The following PATJ variants were observed in gnomAD, a reference collection of about 807,000 sequenced individuals.
PATJ encodes the protein PATJ crumbs cell polarity complex component.
Under a neutral mutation model 224.9 loss-of-function variants are expected in PATJ, and 190 were observed. The observed-to-expected ratio is 0.84, with a 90% CI of 0.75 to 0.95. PATJ has a LOEUF of 0.95. Ranked by LOEUF, PATJ falls within the 40% of genes least tolerant of loss-of-function variation. PATJ has a pLI of 0.00. For synonymous variants in PATJ, 769 were observed against 820.3 expected, an observed-to-expected ratio of 0.94 and a Z score of 1.07; for missense variants, 2,121 against 2,270.3, an observed-to-expected ratio of 0.93 and a Z score of 1.34.
At chr1:61,813,878 GTAT>G (rs1332306400) in intron 14 of PATJ, among the ~76,000 whole-genome samples, 1 of 152,072 alleles carries the variant, frequency 6.6e-6, no homozygotes, top group Non-Finnish European at 1.5e-5. Context: ...AAGAGAAATA[GTAT>G]TTCGTATATA....
chr1:62,092,777 T>C (rs538129688), intron 33 of PATJ, among the ~76,000 whole-genome samples: 2 of 149,050 alleles, frequency 1.3e-5, no homozygotes, highest in East Asian at 4.0e-4. Flanking sequence ...AGTCTCGCTC[T>C]GTCACCCAGG....
chr1:61,814,995 G>A (rs1276805205), intron 14 of PATJ, among the ~76,000 whole-genome samples: 2 of 152,192 alleles, frequency 1.3e-5, no homozygotes, highest in Admixed American at 1.3e-4. Flanking sequence ...CTCTCATAGA[G>A]CTTAGATTCT....
At chr1:61,829,173 T>A (rs1444495763) in intron 16 of PATJ, among the ~76,000 whole-genome samples, 4 of 152,240 alleles carry the variant, frequency 2.6e-5, no homozygotes, top group Non-Finnish European at 5.9e-5. Flanking sequence ...AAGAAGACTG[T>A]CAGCTCCTTG....
chr1:62,070,222 C>T (rs1657158070), intron 31 of PATJ, among the ~76,000 whole-genome samples: 1 of 152,148 alleles, frequency 6.6e-6, no homozygotes, highest in African/African-American at 2.4e-5. Flanking sequence ...AGGAGTAACA[C>T]CAATAGTTTC....
At chr1:61,833,221 ATTTC>A (rs1381337934) in intron 16 of PATJ, 1 of 151,970 alleles carries the variant, frequency 6.6e-6, no homozygotes, top group African/African-American at 2.4e-5. Context: ...CTGTGTTGAT[ATTTC>A]TTTCTTTGTC....
intron 33 of PATJ, among the ~76,000 whole-genome samples, chr1:62,099,451 G>T (rs1160941616): frequency 7.3e-6 from 1 of 137,518 alleles, no homozygotes; most frequent in Non-Finnish European, 1.5e-5. Flanking sequence ...CACTCTTTCT[G>T]GATCACTGGT....
intron 27 of PATJ, among the ~76,000 whole-genome samples, chr1:61,934,658 G>A (rs958937957): frequency 6.6e-6 from 1 of 152,064 alleles, no homozygotes; most frequent in African/African-American, 2.4e-5. Flanking sequence ...CTTTATAGCA[G>A]TTAACAAAAT....
intron 17 of PATJ, among the ~76,000 whole-genome samples, chr1:61,847,676 G>A (rs981767367): frequency 6.6e-6 from 1 of 152,198 alleles, no homozygotes; most frequent in African/African-American, 2.4e-5. Flanking sequence ...GAATCAATTA[G>A]TTATTACTTT....
chr1:61,962,668 T>A (rs1014902812), intron 27 of PATJ, among the ~76,000 whole-genome samples: 1 of 152,174 alleles, frequency 6.6e-6, no homozygotes, highest in Non-Finnish European at 1.5e-5. Context: ...TTCTTAAGGA[T>A]TAAGTTTGAC....
chr1:61,925,489 T>C (rs1675058598), intron 26 of PATJ, among the ~76,000 whole-genome samples: 1 of 152,118 alleles, frequency 6.6e-6, no homozygotes. Context: ...AACAAAATCA[T>C]AGAACTGGAA....
intron 33 of PATJ, among the ~76,000 whole-genome samples, chr1:62,088,170 C>T (rs1224202165): frequency 6.6e-6 from 1 of 152,156 alleles, no homozygotes; most frequent in African/African-American, 2.4e-5. Flanking sequence ...GGATTACAGG[C>T]ATAAGCCACC....
intron 17 of PATJ, among the ~76,000 whole-genome samples, chr1:61,851,947 G>C (rs1662877783): frequency 6.6e-6 from 1 of 151,966 alleles, no homozygotes; most frequent in South Asian, 2.1e-4. Context: ...GCCAAGGCGG[G>C]AGGATCACTT....
intron 21 of PATJ, among the ~76,000 whole-genome samples, chr1:61,875,776 A>G (rs1477394075): frequency 6.6e-6 from 1 of 152,204 alleles, no homozygotes; most frequent in Admixed American, 6.5e-5. Flanking sequence ...ACATTTATGA[A>G]ACATTTTTAT....
In PATJ at chr1:62,128,932, G is replaced by C; in HGVS notation, c.5258G>C (p.Arg1753Pro). The change falls in exon 41 of 44, where the codon CGC becomes CCC. Residue 1753 changes from arginine (R) to proline (P), a missense_variant. Arg to Pro is a moderately radical substitution (Grantham distance 103). Coordinates refer to ENST00000642238, the MANE Select transcript of PATJ (RefSeq NM_001350145.3). The stretch of plus-strand genomic sequence containing the variant: ...AATCTGCTGAAGAACGCCTACGGGC[G>C]CATTATCCTGCAGGTATTGCGATCA... ...VVNLLKNAYG[R>P]IILQVVADTN... 1 of 1,606,918 alleles carries C rather than the reference G, an allele frequency of 6.2e-7. No individual in the cohort carries two copies. The highest frequency in any genetic ancestry group is 1.1e-5 in the South Asian group (1 of 90,714).
intron 33 of PATJ, among the ~76,000 whole-genome samples, chr1:62,096,129 G>A (rs1331391955): frequency 6.6e-6 from 1 of 152,118 alleles, no homozygotes; most frequent in Admixed American, 6.6e-5. Flanking sequence ...AAGGGTTCTT[G>A]TTTACCTGTT....
intron 27 of PATJ, among the ~76,000 whole-genome samples, chr1:61,960,166 C>A (rs561365253): frequency 2.7e-4 from 41 of 152,264 alleles, no homozygotes; most frequent in African/African-American, 9.1e-4. Context: ...TGGAGTCATG[C>A]AATTTTAGCC....
intron 28 of PATJ, among the ~76,000 whole-genome samples, chr1:61,992,435 A>G (rs572405442): frequency 6.6e-6 from 1 of 152,200 alleles, no homozygotes; most frequent in South Asian, 2.1e-4. Context: ...GACTTCTTTA[A>G]CCAACCCAAT....
intron 21 of PATJ, among the ~76,000 whole-genome samples, chr1:61,881,407 ATTTTTTTTT>A (rs34051620): frequency 9.1e-6 from 1 of 110,100 alleles, no homozygotes; most frequent in African/African-American, 3.5e-5. Flanking sequence ...TAAAACAGTT[ATTTTTTTTT>A]TTTTTTTTTT....
chr1:62,158,430 C>T (rs1220666045), intron 43 of PATJ, among the ~76,000 whole-genome samples: 3 of 147,376 alleles, frequency 2.0e-5, no homozygotes, highest in African/African-American at 2.4e-5. Context: ...GTCAAGAGTT[C>T]GAGACCAGGC....
Sources: gnomAD v4.1 joint callset for allele counts (sites outside exome capture counted in the v4.1 genomes callset) on GRCh38, gnomAD v4.1.1 for gene constraint, MANE v1.5 for transcripts, NCBI Gene and HGNC (gene_info 2026-07-23, HGNC 2026-07-21) for gene names.